Variants in LINC00305 observed in about 807,000 individuals in gnomAD.
LINC00305 encodes long independently transcribed non-coding RNA 305, also known as long intergenic non-protein coding RNA 305.
At chr18:64,107,229 C>T (rs769358254) in intron 1 of LINC00305, among the ~76,000 whole-genome samples, 15 of 152,122 alleles carry the variant, frequency 9.9e-5, no homozygotes, top group African/African-American at 3.4e-4. Flanking sequence ...TGACTAACCT[C>T]GACTGTTCTG....
At chr18:64,129,243 C>T (rs1223125992) in intron 1 of LINC00305, among the ~76,000 whole-genome samples, 2 of 152,096 alleles carry the variant, frequency 1.3e-5, no homozygotes, top group African/African-American at 4.8e-5. Context: ...CTAAAATTAA[C>T]ACCTAGTTGA....
Position 64,081,965 on chromosome 18 carries a change from T to C in LINC00305, n.541-1563A>G, listed in dbSNP as rs541041969. Among the ~76,000 whole-genome samples, 6 of 152,310 alleles carry C rather than the reference T, an allele frequency of 3.9e-5. No individual in the cohort carries two copies. In the South Asian group the frequency reaches 1.2e-3, roughly 32 times the overall value. ...AGGTGGAGGGAAAAGGGGCCTCTTT[T>C]AATCTTGGTCCTTTAAACCAAATCA... On this transcript the variant is annotated intron_variant and non_coding_transcript_variant, in intron 3 of 3. Transcript: ENST00000666468.
intron 1 of LINC00305, among the ~76,000 whole-genome samples, chr18:64,130,480 A>T (rs2051404640): frequency 6.6e-6 from 1 of 152,068 alleles, no homozygotes; most frequent in Admixed American, 6.6e-5. Context: ...ATAATATATT[A>T]CTTACTGTGC....
At chr18:64,141,980 T>C (rs947008481) in intron 1 of LINC00305, among the ~76,000 whole-genome samples, 8 of 152,342 alleles carry the variant, frequency 5.3e-5, no homozygotes, top group African/African-American at 1.9e-4. Context: ...TAAAATGGGA[T>C]GTACATTATT....
At chr18:64,143,621 T>G (rs572594688) in intron 1 of LINC00305, among the ~76,000 whole-genome samples, 1 of 148,590 alleles carries the variant, frequency 6.7e-6, no homozygotes, top group Non-Finnish European at 1.5e-5. Flanking sequence ...TATGTACACA[T>G]ATGTATGTAC....
At chr18:64,108,726 T>G (rs146924355) in intron 1 of LINC00305, among the ~76,000 whole-genome samples, 1 of 152,182 alleles carries the variant, frequency 6.6e-6, no homozygotes, top group African/African-American at 2.4e-5. Flanking sequence ...AGGTGTGTAG[T>G]AGACACTGTC....
chr18:64,103,944 T>G (rs921117371), intron 1 of LINC00305: 4 of 152,210 alleles, frequency 2.6e-5, no homozygotes, highest in Admixed American at 2.0e-4. Context: ...AGGCAAATAT[T>G]TACATATGTA....
chr18:64,087,966 A>C (rs187242845), intron 3 of LINC00305, among the ~76,000 whole-genome samples: 23 of 152,206 alleles, frequency 1.5e-4, no homozygotes, highest in African/African-American at 4.8e-4. Context: ...GACAAAAAAA[A>C]ACAAATATTA....
At chr18:64,095,191 G>T (rs999199035) in intron 3 of LINC00305, among the ~76,000 whole-genome samples, 4 of 152,144 alleles carry the variant, frequency 2.6e-5, no homozygotes, top group Admixed American at 2.0e-4. Flanking sequence ...CAAGCAGATG[G>T]ATAGTGAGGA....
chr18:64,134,921 G>C (rs2051425525), intron 1 of LINC00305, among the ~76,000 whole-genome samples: 1 of 152,182 alleles, frequency 6.6e-6, no homozygotes, highest in East Asian at 1.9e-4. Context: ...TCATGAAGGA[G>C]TTAACAGATA....
intron 1 of LINC00305, among the ~76,000 whole-genome samples, chr18:64,133,695 C>T (rs1291246933): frequency 6.6e-6 from 1 of 152,150 alleles, no homozygotes; most frequent in Non-Finnish European, 1.5e-5. Context: ...TTACATACTC[C>T]ATGGTAAAAA....
chr18:64,090,867 G>A (rs1368076855), intron 3 of LINC00305, among the ~76,000 whole-genome samples: 1 of 152,176 alleles, frequency 6.6e-6, no homozygotes, highest in Admixed American at 6.5e-5. Flanking sequence ...CACCATTTAT[G>A]TTTCATAGCT....
intron 1 of LINC00305, among the ~76,000 whole-genome samples, chr18:64,137,204 CA>C (rs972445047): frequency 1.5e-4 from 23 of 152,214 alleles, no homozygotes; most frequent in African/African-American, 5.3e-4. Context: ...AGCCACAGTC[CA>C]GGGGACAGCA....
chr18:64,130,884 G>A (rs1361339629), intron 1 of LINC00305, among the ~76,000 whole-genome samples: 3 of 152,176 alleles, frequency 2.0e-5, no homozygotes, highest in East Asian at 1.9e-4. Flanking sequence ...TAAACTTGGA[G>A]AGGTAGGGGA....
rs375570476 is a variant in LINC00305, at chr18:64,081,137, C to T, written n.541-735G>A. ...GTGAGTTGTTTTATTTTTTCCTGAA[C>T]CAAATAGCTATTTTTTTATAAACTT... On this transcript the variant is annotated intron_variant and non_coding_transcript_variant, in intron 3 of 3. Transcript: ENST00000666468. Among the ~76,000 whole-genome samples, 14 of 152,246 alleles carry T rather than the reference C, an allele frequency of 9.2e-5. 1 individual carries two copies. The highest frequency in any genetic ancestry group is 3.4e-4 in the African/African-American group (14 of 41,566).
intron 1 of LINC00305, among the ~76,000 whole-genome samples, chr18:64,117,778 T>A (rs1199123820): frequency 1.3e-5 from 2 of 152,198 alleles, no homozygotes; most frequent in Non-Finnish European, 1.5e-5. Context: ...AGGCTTTGCC[T>A]CCATGTTTCC....
At chr18:64,112,370 T>C (rs2051318693) in intron 1 of LINC00305, among the ~76,000 whole-genome samples, 1 of 152,076 alleles carries the variant, frequency 6.6e-6, no homozygotes, top group African/African-American at 2.4e-5. Context: ...ACCTTGTTTG[T>C]TCCTGAAGAA....
At chr18:64,136,729 A>G (rs1207600708) in intron 1 of LINC00305, among the ~76,000 whole-genome samples, 1 of 152,190 alleles carries the variant, frequency 6.6e-6, no homozygotes, top group Non-Finnish European at 1.5e-5. Context: ...AATATGAAGA[A>G]GGAAATTACA....
intron 1 of LINC00305, among the ~76,000 whole-genome samples, chr18:64,110,545 T>C (rs1167953839): frequency 1.3e-5 from 2 of 152,190 alleles, no homozygotes; most frequent in Non-Finnish European, 2.9e-5. Context: ...AAATGGGACA[T>C]TTTTTGAAGA....
Sources: allele counts gnomAD v4.1 joint callset (sites outside exome capture counted in the v4.1 genomes callset), GRCh38; gene constraint gnomAD v4.1.1; transcripts MANE v1.5; gene names NCBI Gene and HGNC (gene_info 2026-07-23, HGNC 2026-07-21).